Variants in ANGPT1 observed in about 807,000 individuals in gnomAD.
The protein encoded by ANGPT1 is angiopoietin 1.
A neutral mutation model predicts 62.2 loss-of-function variants in ANGPT1; 17 were observed. That is an observed-to-expected ratio of 0.27 (90% CI 0.19 to 0.41). The LOEUF is 0.41. Among genes scored for constraint, ANGPT1 ranks in the 10% least tolerant of loss-of-function variants. ANGPT1 has a pLI of 1.00. For missense variants in ANGPT1, 478 were observed against 594.9 expected (o/e 0.80, Z 2.04); for synonymous variants, 199 against 198.9 (o/e 1.00, Z 0.00).
intron 1 of ANGPT1, among the ~76,000 whole-genome samples, chr8:107,448,352 T>G (rs1811672529): frequency 6.6e-6 from 1 of 152,184 alleles, no homozygotes; most frequent in Admixed American, 6.6e-5. Context: ...AGAGGCTATA[T>G]TGACAGAACA....
chr8:107,354,565 T>C (rs1282902536), intron 1 of ANGPT1, among the ~76,000 whole-genome samples: 1 of 152,168 alleles, frequency 6.6e-6, no homozygotes, highest in Non-Finnish European at 1.5e-5. Flanking sequence ...TTATAGAAAA[T>C]TGAAATCTGA....
At chr8:107,423,215 C>G (rs1810939071) in intron 1 of ANGPT1, among the ~76,000 whole-genome samples, 1 of 152,156 alleles carries the variant, frequency 6.6e-6, no homozygotes, top group African/African-American at 2.4e-5. Flanking sequence ...TCTCTTCCCC[C>G]CTACTTAGAT....
intron 1 of ANGPT1, among the ~76,000 whole-genome samples, chr8:107,378,674 A>T (rs1024045004): frequency 6.6e-6 from 1 of 151,922 alleles, no homozygotes; most frequent in African/African-American, 2.4e-5. Context: ...TGTTCTCATG[A>T]TAGTGAGTTC....
At chr8:107,266,773 C>T (rs769053654) in intron 7 of ANGPT1, among the ~76,000 whole-genome samples, 6 of 152,096 alleles carry the variant, frequency 3.9e-5, no homozygotes, top group Admixed American at 6.6e-5. Context: ...GGGAATTCAG[C>T]ACAAATGTTT....
chr8:107,460,567 T>C (rs982852800), intron 1 of ANGPT1, among the ~76,000 whole-genome samples: 2 of 152,186 alleles, frequency 1.3e-5, no homozygotes, highest in African/African-American at 4.8e-5. Context: ...CTTTTGACTC[T>C]GATCTGTGTA....
chr8:107,402,476 A>G (rs999442471), intron 1 of ANGPT1, among the ~76,000 whole-genome samples: 4 of 152,238 alleles, frequency 2.6e-5, no homozygotes, highest in African/African-American at 7.2e-5. Flanking sequence ...ATCAGTTACT[A>G]AGATAGCATG....
intron 8 of ANGPT1, among the ~76,000 whole-genome samples, chr8:107,256,250 G>A (rs1029074597): frequency 1.3e-5 from 2 of 152,098 alleles, no homozygotes; most frequent in African/African-American, 4.8e-5. Flanking sequence ...CTAACTTCAA[G>A]GTAGAAGAAG....
At chr8:107,492,629 G>A (rs894831784) in intron 1 of ANGPT1, among the ~76,000 whole-genome samples, 3 of 136,716 alleles carry the variant, frequency 2.2e-5, no homozygotes, top group Non-Finnish European at 4.8e-5. Flanking sequence ...GAGCCACCAC[G>A]CCCGGCCAAT....
chr8:107,291,090 A>G (rs1298421500), intron 6 of ANGPT1, among the ~76,000 whole-genome samples: 2 of 152,354 alleles, frequency 1.3e-5, no homozygotes, highest in African/African-American at 4.8e-5. Flanking sequence ...TCTGATTTTC[A>G]GATGACTTCT....
intron 7 of ANGPT1, among the ~76,000 whole-genome samples, chr8:107,277,236 C>G (rs1032468743): frequency 6.6e-6 from 1 of 151,964 alleles, no homozygotes; most frequent in African/African-American, 2.4e-5. Context: ...AAATAATGAA[C>G]TGTAAGGAAC....
intron 3 of ANGPT1, among the ~76,000 whole-genome samples, chr8:107,323,915 G>C (rs1445560014): frequency 6.6e-6 from 1 of 151,974 alleles, no homozygotes; most frequent in East Asian, 1.9e-4. Flanking sequence ...GAGTAGTTGG[G>C]ACTACAGGCG....
intron 1 of ANGPT1, among the ~76,000 whole-genome samples, chr8:107,378,848 C>A (rs1816580244): frequency 6.6e-6 from 1 of 151,800 alleles, no homozygotes; most frequent in Non-Finnish European, 1.5e-5. Flanking sequence ...GTCAATTAAA[C>A]CTCTTTTGTT....
chr8:107,298,926 T>A (rs753367239), intron 5 of ANGPT1, among the ~76,000 whole-genome samples: 2 of 151,848 alleles, frequency 1.3e-5, no homozygotes, highest in Non-Finnish European at 2.9e-5. Flanking sequence ...CTGTTTACAA[T>A]GTACAGTCTA....
intron 1 of ANGPT1, among the ~76,000 whole-genome samples, chr8:107,453,536 A>G (rs1174027886): frequency 6.6e-6 from 1 of 151,992 alleles, no homozygotes; most frequent in African/African-American, 2.4e-5. Flanking sequence ...TCACTATCAC[A>G]AGAACAGCAT....
intron 3 of ANGPT1, among the ~76,000 whole-genome samples, chr8:107,329,781 A>G (rs897814227): frequency 2.6e-5 from 4 of 152,056 alleles, no homozygotes; most frequent in African/African-American, 9.7e-5. Flanking sequence ...TGCATTTAAT[A>G]CTAAATATGC....
At chr8:107,304,288 T>A (rs940593282) in intron 4 of ANGPT1, among the ~76,000 whole-genome samples, 1 of 151,718 alleles carries the variant, frequency 6.6e-6, no homozygotes, top group Admixed American at 6.6e-5. Flanking sequence ...CATTTAATAG[T>A]TCTTAGCTAA....
At chr8:107,372,546 A>T (rs1184648423) in intron 1 of ANGPT1, among the ~76,000 whole-genome samples, 1 of 152,080 alleles carries the variant, frequency 6.6e-6, no homozygotes, top group Non-Finnish European at 1.5e-5. Context: ...AACTTATCAG[A>T]TAACTAAGAT....
chr8:107,342,106 G>A (rs1410232436), intron 2 of ANGPT1, among the ~76,000 whole-genome samples: 9 of 152,154 alleles, frequency 5.9e-5, no homozygotes, highest in Non-Finnish European at 2.9e-5. Context: ...CATTCACTCA[G>A]TGTTCTTAGT....
At chr8:107,253,146 C>T (rs1813283563) in intron 8 of ANGPT1, among the ~76,000 whole-genome samples, 1 of 152,172 alleles carries the variant, frequency 6.6e-6, no homozygotes, top group African/African-American at 2.4e-5. Flanking sequence ...CATTAATCAC[C>T]AGTTCATAGT....
Sources: allele counts gnomAD v4.1 joint callset (sites outside exome capture counted in the v4.1 genomes callset), GRCh38; gene constraint gnomAD v4.1.1; transcripts MANE v1.5; gene names NCBI Gene and HGNC (gene_info 2026-07-23, HGNC 2026-07-21).